HEATR4: variants seen among roughly 807,000 people sequenced by gnomAD.
The protein encoded by HEATR4 is HEAT repeat-containing protein 4.
In HEATR4, 95 loss-of-function variants were observed where a neutral mutation model predicts 108.8. The observed-to-expected ratio is 0.87, with a 90% CI of 0.74 to 1.04. The LOEUF (loss-of-function observed/expected upper bound fraction) is 1.04. Among genes scored for constraint, HEATR4 ranks in the 50% least tolerant of loss-of-function variants. The probability of loss-of-function intolerance (pLI) is 0.00; values close to 1 mark genes in which losing one functional copy is unlikely to be tolerated. For missense variants in HEATR4, 1,152 were observed against 1,253.8 expected (o/e 0.92, Z 1.23); for synonymous variants, 443 against 459.4 (o/e 0.96, Z 0.46).
chr14:73,516,930 G>A (rs1436288102), intron 5 of HEATR4, among the ~76,000 whole-genome samples: 2 of 152,122 alleles, frequency 1.3e-5, no homozygotes, highest in East Asian at 3.9e-4. Flanking sequence ...CCACGAAACC[G>A]GTCCCTGGTG....
the HEATR4 span, among the ~76,000 whole-genome samples, chr14:73,602,129 C>T: frequency 7.2e-5 from 11 of 151,990 alleles, no homozygotes; most frequent in Non-Finnish European, 1.3e-4. Flanking sequence ...TCAGTAGAGA[C>T]GAGGTTTCAC....
At chr14:73,544,219 G>A (rs1196073277) in intron 1 of HEATR4, among the ~76,000 whole-genome samples, 3 of 114,686 alleles carry the variant, frequency 2.6e-5, no homozygotes, top group African/African-American at 8.5e-5. Flanking sequence ...GCTTGAACCC[G>A]GGAGGCAGAG....
chr14:73,524,616 T>C (rs11846450), intron 2 of HEATR4, among the ~76,000 whole-genome samples: 3,529 of 149,924 alleles, frequency 0.024, 143 homozygotes, highest in African/African-American at 0.083. Flanking sequence ...GTAGGTAAAT[T>C]GCTTCAGATC....
upstream of HEATR4, among the ~76,000 whole-genome samples, chr14:73,563,784 A>C (rs1393177097): frequency 6.6e-6 from 1 of 151,892 alleles, no homozygotes; most frequent in Non-Finnish European, 1.5e-5. Flanking sequence ...CAACATAGCA[A>C]GACCCTGTCT....
At chr14:73,621,012 T>C in the HEATR4 span, among the ~76,000 whole-genome samples, 1 of 151,716 alleles carries the variant, frequency 6.6e-6, no homozygotes, top group Non-Finnish European at 1.5e-5. Context: ...GAGACCAGCC[T>C]GGCCAACATG....
At chr14:73,545,232 T>C (rs1256826462) in intron 1 of HEATR4, among the ~76,000 whole-genome samples, 1 of 110,260 alleles carries the variant, frequency 9.1e-6, no homozygotes, top group African/African-American at 2.9e-5. Flanking sequence ...GGCTAATTTT[T>C]AATTTTTTGT....
Position 73,522,886 on chromosome 14 carries a change from G to T in HEATR4, c.267C>A (p.Ser89Arg), listed in dbSNP as rs778510534. 6.2e-7 allele frequency: 1 copy of T among 1,614,192 alleles called. No homozygotes were observed. The highest frequency in any genetic ancestry group is 1.1e-5 in the South Asian group (1 of 91,088). The change falls in exon 3 of 18, where the codon AGC (serine) becomes AGA (arginine). Residue 89 changes from serine to arginine, a missense_variant. Ser to Arg is a moderately radical substitution (Grantham distance 110). Coordinates refer to ENST00000553558, the MANE Select transcript of HEATR4 (RefSeq NM_001220484.1). ...WQRGLPSIPYSQYSFDHLYNT... is the reference protein window; with the variant it reads ...WQRGLPSIPYRQYSFDHLYNT... ...TGTAGAGGTGGTCAAAGCTGTACTG[G>T]CTATAAGGAATGCTGGGCAGGCCTC...
chr14:73,619,934 T>TC, the HEATR4 span: 5 of 1,291,468 alleles, frequency 3.9e-6, no homozygotes, highest in East Asian at 9.8e-5. Context: ...TTTTTTTTTT[T>TC]CCTGTATCAC....
chr14:73,499,239 G>A (rs1886280569), intron 12 of HEATR4, 99 bp from the exon 13 acceptor site: 4 of 1,018,362 alleles, frequency 3.9e-6, no homozygotes, highest in Non-Finnish European at 6.2e-6. Context: ...CCAGCATTTT[G>A]GGATGCCAAG....
chr14:73,561,310 G>A (rs1309391983), upstream of HEATR4, among the ~76,000 whole-genome samples: 2 of 151,606 alleles, frequency 1.3e-5, no homozygotes, highest in African/African-American at 4.8e-5. Flanking sequence ...AGGTTGCAGT[G>A]AGCCAAGATC....
chr14:73,576,656 A>G, the HEATR4 span, among the ~76,000 whole-genome samples: 2 of 151,276 alleles, frequency 1.3e-5, no homozygotes, highest in Non-Finnish European at 3.0e-5. Context: ...ATAGCCAGAC[A>G]TTGGTGGTGC....
chr14:73,615,106 G>A, the HEATR4 span, among the ~76,000 whole-genome samples: 11 of 142,944 alleles, frequency 7.7e-5, no homozygotes, highest in Admixed American at 2.1e-4. Flanking sequence ...AAAACAAGGC[G>A]GCCAGGCGCG....
the HEATR4 span, chr14:73,567,623 C>T: frequency 3.9e-5 from 6 of 152,224 alleles, no homozygotes; most frequent in African/African-American, 1.4e-4. Flanking sequence ...TAGTGGTAAC[C>T]TGCGTGAGTT....
chr14:73,535,481 T>C lies in HEATR4; in HGVS notation c.-151-5237A>G, dbSNP rs1321324621. Among the ~76,000 whole-genome samples the C allele has an allele frequency of 1.2e-3, 54 of 43,556 alleles. 5 individuals carry two copies. The highest frequency in any genetic ancestry group is 7.2e-3 in the African/African-American group (50 of 6,956). 28.6% of individuals were successfully genotyped at this position (43,556 alleles called of 152,430 possible). A position where few individuals can be genotyped will look rare whatever the true frequency, so the allele number is the denominator to read the frequency against. ...CTTTTTCTTCTTTCTTTTTTTTTTT[T>C]TTTTTTTTTTTTTTTTTTTTTTTTT... On this transcript the variant is annotated intron_variant, in intron 1 of 17. Transcript: ENST00000553558.
the HEATR4 span, among the ~76,000 whole-genome samples, chr14:73,608,607 T>C: frequency 6.6e-6 from 1 of 152,184 alleles, no homozygotes; most frequent in Admixed American, 6.6e-5. Context: ...TTTCCCACGC[T>C]TTCCTGTCTT....
At chr14:73,612,352 T>G in the HEATR4 span, 2 of 406,866 alleles carry the variant, frequency 4.9e-6, no homozygotes, top group East Asian at 3.7e-5. Flanking sequence ...GGATTGGTCA[T>G]TAACTCTTAT....
At chr14:73,580,297 T>A in the HEATR4 span, among the ~76,000 whole-genome samples, 1 of 151,940 alleles carries the variant, frequency 6.6e-6, no homozygotes, top group East Asian at 1.9e-4. Context: ...CCCAGCTAAT[T>A]TTTAATTTTT....
At chr14:73,569,307 T>A in the HEATR4 span, 1 of 1,613,932 alleles carries the variant, frequency 6.2e-7, no homozygotes, top group Non-Finnish European at 8.5e-7. Context: ...CAAAATGGCC[T>A]CATCTCCTGC....
chr14:73,622,044 T>C, the HEATR4 span, among the ~76,000 whole-genome samples: 1 of 152,008 alleles, frequency 6.6e-6, no homozygotes, highest in Non-Finnish European at 1.5e-5. Context: ...ATTACAGGCG[T>C]GAATCACTGC....
Sources: allele counts gnomAD v4.1 joint callset (sites outside exome capture counted in the v4.1 genomes callset), GRCh38; gene constraint gnomAD v4.1.1; transcripts MANE v1.5; gene names NCBI Gene and HGNC (gene_info 2026-07-23, HGNC 2026-07-21).